DES: variants seen among roughly 807,000 people sequenced by gnomAD.
DES encodes the protein desmin, also known as cardiomyopathy, dilated 1F (autosomal dominant).
Under a neutral mutation model 55.1 loss-of-function variants are expected in DES, and 34 were observed. That is an observed-to-expected ratio of 0.62 (90% CI 0.47 to 0.82). DES has a LOEUF of 0.82. Ranked by LOEUF, DES falls within the 40% of genes least tolerant of loss-of-function variation. The pLI is 0.00. For synonymous variants in DES, 259 were observed against 270.8 expected (o/e 0.96, Z 0.43); for missense variants, 596 against 645.9 (o/e 0.92, Z 0.84).
Position 219,420,221 on chromosome 2 carries a change from A to T in DES, c.640-30A>T, listed in dbSNP as rs1954409205. On this transcript the variant is annotated intron_variant, in intron 2 of 8. Coordinates refer to ENST00000373960, the MANE Select transcript of DES (RefSeq NM_001927.4). This position sits in a 1 kb window ranked among gnomAD's most constrained non-coding sequence, Gnocchi z 6.0. ...GCTCTGCCCCACCTGGGTGGCGGTGACCATGTCCTTCTCGCTTGGCCTCTC... is the reference window on the plus strand; with the variant it reads ...GCTCTGCCCCACCTGGGTGGCGGTGTCCATGTCCTTCTCGCTTGGCCTCTC... 2 of 1,613,868 alleles carry T rather than the reference A, an allele frequency of 1.2e-6. No individual in the cohort carries two copies. Among genetic ancestry groups the T allele is most frequent in the East Asian group, 2.2e-5 (1 of 44,892 alleles).
intron 7 of DES, chr2:219,425,317 T>C: frequency 2.8e-6 from 1 of 353,654 alleles, no homozygotes. Context: ...AGGGCTCTCC[T>C]GGGGCCTGGG....
intron 6 of DES, 77 bp downstream of exon 6, chr2:219,421,637 A>G (rs1321716913): frequency 4.5e-6 from 6 of 1,338,534 alleles, no homozygotes; most frequent in African/African-American, 1.5e-5. Flanking sequence ...GAGGCTCGAG[A>G]TTACTGATTA....
Position 219,418,774 on chromosome 2 carries a change from G to A in DES, c.312G>A (p.Thr104=). 2 of 1,563,254 alleles carry A rather than the reference G, an allele frequency of 1.3e-6. No homozygotes were observed. The highest frequency in any genetic ancestry group is 1.7e-6 in the Non-Finnish European group (2 of 1,153,140). ...ADAVNQEFLT[T]RTNEKVELQE... ...CGGTGAACCAGGAGTTTCTGACCAC[G>A]CGCACCAACGAGAAGGTGGAGCTGC... Residue 104 remains threonine, a synonymous_variant, in exon 1 of 9, where the codon ACG becomes ACA. Coordinates refer to ENST00000373960, the MANE Select transcript of DES (RefSeq NM_001927.4).
At position 219,425,870 on chromosome 2, in the gene DES, C is replaced by T; in HGVS notation, c.1372-79C>T. 4 of 1,606,610 alleles carry T rather than the reference C, an allele frequency of 2.5e-6. No individual in the cohort carries two copies. In the South Asian group the frequency reaches 4.4e-5, roughly 18 times the overall value. On this transcript the variant is annotated intron_variant, in intron 8 of 8. Coordinates refer to ENST00000373960, the MANE Select transcript of DES (RefSeq NM_001927.4). The stretch of plus-strand genomic sequence containing the variant: ...GTGGGGCAAGAGAGATCCTGCGGCC[C>T]TGGGGTGGGGATGGCTCAGGGCTGA...
At chr2:219,422,344 G>T (rs1307827891) in intron 6 of DES, among the ~76,000 whole-genome samples, 1 of 151,938 alleles carries the variant, frequency 6.6e-6, no homozygotes, top group African/African-American at 2.4e-5. Flanking sequence ...ATATGCACAT[G>T]TTCGGAGGAA....
At chr2:219,421,265 T>C in intron 5 of DES, 75 bp from the exon 6 acceptor site, 1 of 1,547,420 alleles carries the variant, frequency 6.5e-7, no homozygotes, top group Non-Finnish European at 8.9e-7. Context: ...TGGAGTTGCC[T>C]GCCAGCCCCA....
Position 219,419,906 on chromosome 2 carries a change from GAT to G in DES, c.579-188_579-187del, listed in dbSNP as rs1954401282. 9 of 675,290 alleles carry G rather than the reference GAT, an allele frequency of 1.3e-5. No individual in the cohort carries two copies. The South Asian group carries it at 1.5e-4, about 11-fold the overall frequency. 41.8% of individuals were successfully genotyped at this position (675,290 alleles called of 1,614,324 possible). ...TTCAAGGGTGTGGCTCCTGGGCAGA[GAT>G]TGGGCCACTTCCTGTGCCCTCCCTG... On this transcript the variant is annotated intron_variant, in intron 1 of 8. Coordinates refer to ENST00000373960, the MANE Select transcript of DES (RefSeq NM_001927.4). The surrounding 1 kb of genome is among the most constrained non-coding windows in gnomAD (Gnocchi z 4.3).
chr2:219,425,670 C>T lies in DES; in HGVS notation c.1296C>T (p.Ser432=), dbSNP rs1485179441. Residue 432 remains serine (S), a synonymous_variant, in exon 8 of 9, where the codon AGC becomes AGT. Transcript: ENST00000373960. The part of the protein sequence containing the change: ...TYSALNFRET[S]PEQRGSEVHT... ...CGATGGACCCTGTTACAGAAACCAG[C>T]CCTGAGCAAAGGGGTTCTGAGGTCC... 1.3e-6 allele frequency: 2 copies of T among 1,577,794 alleles called. No individual in the cohort carries two copies. The highest frequency in any genetic ancestry group is 1.7e-6 in the Non-Finnish European group (2 of 1,161,334).
At chr2:219,424,039 T>C (rs1479136578) in intron 7 of DES, among the ~76,000 whole-genome samples, 1 of 152,176 alleles carries the variant, frequency 6.6e-6, no homozygotes, top group Non-Finnish European at 1.5e-5. Context: ...GTGATTATAT[T>C]GTATTGTATT....
rs60794845 is a variant in DES, at chr2:219,418,599, C to G, written c.137C>G (p.Ser46Cys). 6.2e-7 allele frequency: 1 copy of G among 1,604,726 alleles called. No homozygotes were observed. The highest frequency in any genetic ancestry group is 8.5e-7 in the Non-Finnish European group (1 of 1,175,952). ...PRAGFGSKGS[S>C]SSVTSRVYQV... ...GCGGGTTTCGGCTCTAAGGGCTCCT[C>G]CAGCTCGGTGACGTCCCGCGTGTAC... is the stretch of plus-strand genomic sequence containing the variant. The change falls in exon 1 of 9, where the codon TCC (serine) becomes TGC (cysteine). Residue 46 changes from serine (S) to cysteine (C), a missense_variant. Physicochemically the swap from Ser to Cys is moderately radical, Grantham distance 112 (BLOSUM62 -1). Transcript: ENST00000373960.
Position 219,420,477 on chromosome 2 carries a change from C to T in DES, c.736-18C>T, listed in dbSNP as rs1454675169. On this transcript the variant is annotated intron_variant, in intron 3 of 8. Transcript: ENST00000373960. The surrounding 1 kb of genome is among the most constrained non-coding windows in gnomAD (Gnocchi z 6.0). ...TGTGGGCCCTGAGAGGGGACTGAAG[C>T]CCAGTCATGCCCTACAGGAGATCCG... The T allele has an allele frequency of 1.2e-6, 2 of 1,613,762 alleles. No individual in the cohort carries two copies. The highest frequency in any genetic ancestry group is 1.3e-5 in the African/African-American group (1 of 74,872).
chr2:219,419,146 G>A lies in DES; in HGVS notation c.578+106G>A. ...AGCACCTGCCTTCTCCCGGGGCCCG[G>A]GACCCTCTCCTGCCCCATGTGGAGA... On this transcript the variant is annotated intron_variant, in intron 1 of 8. Coordinates refer to ENST00000373960, the MANE Select transcript of DES (RefSeq NM_001927.4). The surrounding 1 kb of genome is among the most constrained non-coding windows in gnomAD (Gnocchi z 4.3). 1 of 1,528,324 alleles carries A rather than the reference G, an allele frequency of 6.5e-7. No individual in the cohort carries two copies. The highest frequency in any genetic ancestry group is 1.2e-5 in the South Asian group (1 of 83,010). 94.7% of individuals were successfully genotyped at this position (1,528,324 alleles called of 1,614,324 possible). A position where few individuals can be genotyped will look rare whatever the true frequency, so the allele number is the denominator to read the frequency against.
chr2:219,423,654 T>G (rs1954483176), intron 6 of DES, 123 bp from the exon 7 acceptor site: 1 of 882,154 alleles, frequency 1.1e-6, no homozygotes, highest in Non-Finnish European at 1.9e-6. Flanking sequence ...TTAGCCAGGA[T>G]GGTCTCGATC....
rs1575017033 is a variant in DES at position 219,426,087 on chromosome 2, T to A, written c.*97T>A. The stretch of plus-strand genomic sequence containing the variant: ...CCATCCCAGGACACCACACCCAGCC[T>A]CAGTCCTCCCCTCACAGCCTCTGAC... On this transcript the variant is annotated 3_prime_UTR_variant, in exon 9 of 9. Transcript: ENST00000373960. This position sits in a 1 kb window ranked among gnomAD's most constrained non-coding sequence, Gnocchi z 4.5. 2.9e-6 allele frequency: 4 copies of A among 1,397,892 alleles called. No homozygotes were observed. In the South Asian group the frequency reaches 4.8e-5, roughly 17 times the overall value. The allele number at this position is 1,397,892 out of a possible 1,614,324, so 86.6% of individuals were successfully genotyped here.
rs149618222 is a variant in DES at position 219,422,041 on chromosome 2, A to G, written c.1244+481A>G. On this transcript the variant is annotated intron_variant, in intron 6 of 8. Coordinates refer to ENST00000373960, the MANE Select transcript of DES (RefSeq NM_001927.4). Reference sequence around the variant, plus strand: ...AACCAAGGCCACCTGGGTAAAAAGCAATTTAATTAACAGCATTTATAAAAA... The same window carrying G: ...AACCAAGGCCACCTGGGTAAAAAGCGATTTAATTAACAGCATTTATAAAAA... Among the ~76,000 whole-genome samples the G allele has an allele frequency of 2.9e-3, 449 of 152,334 alleles. 6 individuals carry two copies. The highest frequency in any genetic ancestry group is 0.01 in the African/African-American group (431 of 41,566).
chr2:219,418,627 G>C lies in DES; in HGVS notation c.165G>C (p.Gln55His), dbSNP rs1174039524. The change falls in exon 1 of 9, where the codon CAG (glutamine) becomes CAC (histidine). Residue 55 changes from glutamine (Q) to histidine (H), a missense_variant. Physicochemically the swap from Gln to His is conservative, Grantham distance 24 (BLOSUM62 0). Transcript: ENST00000373960. ...SSSSVTSRVY[Q>H]VSRTSGGAGG... The stretch of plus-strand genomic sequence containing the variant: ...GCTCGGTGACGTCCCGCGTGTACCA[G>C]GTGTCGCGCACGTCGGGCGGGGCCG... 2 of 1,601,728 alleles carry C rather than the reference G, an allele frequency of 1.2e-6. No homozygotes were observed. The highest frequency in any genetic ancestry group is 1.7e-6 in the Non-Finnish European group (2 of 1,174,488).
chr2:219,419,973 T>C lies in DES; in HGVS notation c.579-122T>C. ...CTCCACTCCCTGTCTCTCCTGCCTC[T>C]ACCCAGCAGCCAGGCCCTCCCGCTC... On this transcript the variant is annotated intron_variant, in intron 1 of 8. Coordinates refer to ENST00000373960, the MANE Select transcript of DES (RefSeq NM_001927.4). The surrounding 1 kb of genome is among the most constrained non-coding windows in gnomAD (Gnocchi z 4.3). 1.9e-6 allele frequency: 2 copies of C among 1,032,012 alleles called. No homozygotes were observed. Among genetic ancestry groups the C allele is most frequent in the Non-Finnish European group, 3.0e-6 (2 of 664,040 alleles). The allele number at this position is 1,032,012 out of a possible 1,614,324, so 63.9% of individuals were successfully genotyped here.
At position 219,421,412 on chromosome 2, in the gene DES, A is replaced by G; in HGVS notation, c.1096A>G (p.Asn366Asp). The G allele has an allele frequency of 6.2e-7, 1 of 1,614,090 alleles. No individual in the cohort carries two copies. The highest frequency in any genetic ancestry group is 8.5e-7 in the Non-Finnish European group (1 of 1,180,008). ...CAGTGAGGCCAGTGGCTACCAGGACAACATTGCGCGCCTGGAGGAGGAAAT... is the reference window on the plus strand; with the variant it reads ...CAGTGAGGCCAGTGGCTACCAGGACGACATTGCGCGCCTGGAGGAGGAAAT... ...FASEASGYQDNIARLEEEIRH... is the reference protein window; with the variant it reads ...FASEASGYQDDIARLEEEIRH... The change falls in exon 6 of 9, where the codon AAC becomes GAC. Residue 366 changes from asparagine to aspartate, a missense_variant. Coordinates refer to ENST00000373960, the MANE Select transcript of DES (RefSeq NM_001927.4).
Position 219,420,412 on chromosome 2 carries a change from G to T in DES, c.735+66G>T, listed in dbSNP as rs1954415650. The T allele has an allele frequency of 6.2e-6, 10 of 1,612,420 alleles. No homozygotes were observed. Among genetic ancestry groups the T allele is most frequent in the Non-Finnish European group, 8.5e-6 (10 of 1,179,286 alleles). ...GGAAAGCAGCCGGAAAGTGGGGTTG[G>T]GGTGAGGCTCTGGCTGGGAATAGGG... On this transcript the variant is annotated intron_variant, in intron 3 of 8. Transcript: ENST00000373960. This position sits in a 1 kb window ranked among gnomAD's most constrained non-coding sequence, Gnocchi z 6.0.
Sources: allele counts gnomAD v4.1 joint callset (sites outside exome capture counted in the v4.1 genomes callset), GRCh38; gene constraint gnomAD v4.1.1; non-coding constraint Gnocchi (gnomAD v3.1); transcripts MANE v1.5; gene names NCBI Gene and HGNC (gene_info 2026-07-23, HGNC 2026-07-21).